SMYD3: variants seen among roughly 807,000 people sequenced by gnomAD.
SMYD3 encodes the protein histone-lysine N-methyltransferase SMYD3.
SMYD3 carries 36 observed loss-of-function variants against 57.7 expected under a neutral mutation model. The observed-to-expected ratio is 0.62, with a 90% confidence interval of 0.48 to 0.82. The LOEUF (loss-of-function observed/expected upper bound fraction) is 0.82, where lower values mean the gene tolerates loss of function less well. Among genes scored for constraint, SMYD3 ranks in the 40% least tolerant of loss-of-function variants. SMYD3 has a pLI of 0.00. For missense variants in SMYD3, 515 were observed against 538.8 expected, an observed-to-expected ratio of 0.96 and a Z score of 0.44; for synonymous variants, 211 against 195.0, an observed-to-expected ratio of 1.08 and a Z score of -0.68.
chr1:246,016,941 AT>A (rs146974641), intron 5 of SMYD3, among the ~76,000 whole-genome samples: 5,115 of 149,954 alleles, frequency 0.034, 285 homozygotes, highest in African/African-American at 0.12. Flanking sequence ...TTTTTCTATG[AT>A]TTTTTTTTTG....
At chr1:245,786,216 G>GGTT (rs560770438) in intron 10 of SMYD3, among the ~76,000 whole-genome samples, 1 of 138,316 alleles carries the variant, frequency 7.2e-6, no homozygotes, top group Non-Finnish European at 1.6e-5. Context: ...GTGTGGACGG[G>GGTT]GGGGGGATGG....
At chr1:246,306,235 T>C (rs1347976308) in intron 5 of SMYD3, among the ~76,000 whole-genome samples, 1 of 152,098 alleles carries the variant, frequency 6.6e-6, no homozygotes, top group East Asian at 1.9e-4. Flanking sequence ...TAGTCCCAGC[T>C]ACTTGGGAGG....
intron 5 of SMYD3, among the ~76,000 whole-genome samples, chr1:246,247,524 G>A (rs1265480150): frequency 3.0e-5 from 4 of 132,356 alleles, no homozygotes; most frequent in South Asian, 2.6e-4. Flanking sequence ...ATATACACAC[G>A]AGTTAAAAAC....
At chr1:245,761,142 G>A (rs928093284) in intron 11 of SMYD3, among the ~76,000 whole-genome samples, 4 of 152,168 alleles carry the variant, frequency 2.6e-5, no homozygotes, top group Admixed American at 6.5e-5. Context: ...GAGACACACA[G>A]CAAGTTTGGG....
intron 5 of SMYD3, among the ~76,000 whole-genome samples, chr1:246,159,128 A>C (rs1313774029): frequency 6.6e-6 from 1 of 152,106 alleles, no homozygotes; most frequent in Non-Finnish European, 1.5e-5. Flanking sequence ...GCCAACCATT[A>C]AAAAAGGTTT....
intron 2 of SMYD3, among the ~76,000 whole-genome samples, chr1:246,347,186 A>C (rs2065736098): frequency 6.6e-6 from 1 of 152,162 alleles, no homozygotes; most frequent in Non-Finnish European, 1.5e-5. Context: ...CTGTGGAATG[A>C]TTATATAAAG....
At chr1:245,993,080 A>T (rs1310654857) in intron 5 of SMYD3, among the ~76,000 whole-genome samples, 1 of 152,246 alleles carries the variant, frequency 6.6e-6, no homozygotes, top group Non-Finnish European at 1.5e-5. Context: ...TTTGGGAGGT[A>T]GAAGGGCTGC....
At chr1:246,247,486 T>TACA (rs1491147936) in intron 5 of SMYD3, among the ~76,000 whole-genome samples, 1 of 141,162 alleles carries the variant, frequency 7.1e-6, no homozygotes, top group African/African-American at 2.8e-5. Context: ...TATATATATA[T>TACA]TTTTTAACAT....
At chr1:246,231,668 T>A (rs10924581) in intron 5 of SMYD3, among the ~76,000 whole-genome samples, 1 of 152,018 alleles carries the variant, frequency 6.6e-6, no homozygotes, top group Non-Finnish European at 1.5e-5. Flanking sequence ...ATTTCAAAAC[T>A]GCTTTAACTC....
intron 5 of SMYD3, among the ~76,000 whole-genome samples, chr1:246,198,466 A>AT (rs2062858822): frequency 6.6e-6 from 1 of 152,254 alleles, no homozygotes. Flanking sequence ...TGAATTTGAT[A>AT]AAAAATATCT....
intron 8 of SMYD3, among the ~76,000 whole-genome samples, chr1:245,880,064 G>A (rs2052697557): frequency 6.6e-6 from 1 of 152,046 alleles, no homozygotes; most frequent in African/African-American, 2.4e-5. Context: ...GCCAGAGATA[G>A]CACAGGTGCG....
intron 5 of SMYD3, among the ~76,000 whole-genome samples, chr1:246,076,718 T>A (rs1209901742): frequency 2.0e-5 from 3 of 151,318 alleles, no homozygotes; most frequent in African/African-American, 7.3e-5. Context: ...TCCCTTTGGA[T>A]GAGATAGAAA....
intron 1 of SMYD3, among the ~76,000 whole-genome samples, chr1:246,485,165 T>C (rs1425296791): frequency 1.3e-5 from 2 of 151,912 alleles, no homozygotes; most frequent in African/African-American, 2.4e-5. Flanking sequence ...ATACCTAAAC[T>C]ATTGCACTAG....
At chr1:246,141,850 T>C (rs988841765) in intron 5 of SMYD3, among the ~76,000 whole-genome samples, 1 of 152,218 alleles carries the variant, frequency 6.6e-6, no homozygotes, top group African/African-American at 2.4e-5. Flanking sequence ...AGAGTCGAGC[T>C]GGAAGCAATG....
intron 5 of SMYD3, among the ~76,000 whole-genome samples, chr1:246,185,568 T>C (rs1034638131): frequency 6.6e-6 from 1 of 151,480 alleles, no homozygotes. Flanking sequence ...TTCAAGCCAT[T>C]CTCCTGCCTC....
intron 10 of SMYD3, among the ~76,000 whole-genome samples, chr1:245,811,641 A>G (rs2048478282): frequency 6.6e-6 from 1 of 152,220 alleles, no homozygotes; most frequent in Non-Finnish European, 1.5e-5. Flanking sequence ...TCTACCAGAC[A>G]CATAAAAATT....
At chr1:246,185,587 G>A (rs531924647) in intron 5 of SMYD3, among the ~76,000 whole-genome samples, 1 of 151,066 alleles carries the variant, frequency 6.6e-6, no homozygotes. Context: ...TCAGCCTCAC[G>A]AGTAGCTGAA....
intron 10 of SMYD3, among the ~76,000 whole-genome samples, chr1:245,836,449 TGA>T (rs936980470): frequency 6.6e-6 from 1 of 152,188 alleles, no homozygotes; most frequent in Admixed American, 6.5e-5. Flanking sequence ...GGCAAGTTCT[TGA>T]GAGAGGAGTC....
At chr1:245,883,710 G>C (rs926320023) in intron 8 of SMYD3, among the ~76,000 whole-genome samples, 6 of 152,156 alleles carry the variant, frequency 3.9e-5, no homozygotes, top group Admixed American at 3.3e-4. Context: ...CCATGGACCT[G>C]ACACTGTAAG....
Sources: gnomAD v4.1 joint callset for allele counts (sites outside exome capture counted in the v4.1 genomes callset) on GRCh38, gnomAD v4.1.1 for gene constraint, MANE v1.5 for transcripts, NCBI Gene and HGNC (gene_info 2026-07-23, HGNC 2026-07-21) for gene names.